R3HDM1: variants seen among roughly 807,000 people sequenced by gnomAD.
R3HDM1 encodes the protein R3H domain containing 1, also known as R3H domain-containing protein 1.
A neutral mutation model predicts 141.1 loss-of-function variants in R3HDM1; 46 were observed. That is an observed-to-expected ratio of 0.33 (90% confidence interval 0.26 to 0.42). R3HDM1 has a LOEUF of 0.42. R3HDM1 is among the 10% of genes least tolerant of loss of function. R3HDM1 has a pLI of 1.00. For missense variants in R3HDM1, 1,184 were observed against 1,368.3 expected (o/e 0.87, Z 2.12); for synonymous variants, 435 against 472.9 (o/e 0.92, Z 1.04).
At chr2:135,584,144 A>G (rs1473918912) in intron 1 of R3HDM1, 1 of 714,600 alleles carries the variant, frequency 1.4e-6, no homozygotes, top group East Asian at 1.3e-4. Flanking sequence ...CCTGGCCAAC[A>G]TGGTGAAACA....
intron 1 of R3HDM1, among the ~76,000 whole-genome samples, chr2:135,579,586 A>G (rs1241953460): frequency 2.6e-4 from 29 of 109,462 alleles, no homozygotes; most frequent in African/African-American, 1.3e-3. Context: ...AATGGTAACT[A>G]TGGGGTGGCG....
chr2:135,536,499 A>G (rs1696153826), intron 1 of R3HDM1: 2 of 907,130 alleles, frequency 2.2e-6, no homozygotes, highest in Non-Finnish European at 2.6e-6. Flanking sequence ...TTGCTTTACT[A>G]AAGTTTTTAT....
At chr2:135,562,669 C>A (rs927669368) in intron 1 of R3HDM1, among the ~76,000 whole-genome samples, 4 of 152,174 alleles carry the variant, frequency 2.6e-5, no homozygotes, top group African/African-American at 9.7e-5. Context: ...TTCATGAAGA[C>A]CTGCACAGTT....
chr2:135,573,544 T>A (rs1559148922), intron 1 of R3HDM1, among the ~76,000 whole-genome samples: 1 of 151,714 alleles, frequency 6.6e-6, no homozygotes. Flanking sequence ...TTTTTTTTTT[T>A]AAGGTTTCCA....
At chr2:135,658,851 G>T (rs1455160195) in intron 18 of R3HDM1, among the ~76,000 whole-genome samples, 2 of 151,262 alleles carry the variant, frequency 1.3e-5, no homozygotes, top group African/African-American at 2.4e-5. Context: ...AAAAACTAAG[G>T]TGCAAACATG....
chr2:135,604,069 A>G (rs1036651471), intron 2 of R3HDM1, among the ~76,000 whole-genome samples: 11 of 152,220 alleles, frequency 7.2e-5, no homozygotes, highest in Non-Finnish European at 4.4e-5. Context: ...TGTGGATTCC[A>G]TATTCTAGAG....
At chr2:135,709,664 GTGC>G in intron 22 of R3HDM1, 128 bp downstream of exon 22, 8 of 1,114,656 alleles carry the variant, frequency 7.2e-6, no homozygotes, top group African/African-American at 1.6e-5. Context: ...AATATTGAGG[GTGC>G]TGTACTGAAT....
chr2:135,724,340 A>G lies in R3HDM1; in HGVS notation c.*48A>G, dbSNP rs1440471030. On this transcript the variant is annotated 3_prime_UTR_variant, in exon 27 of 27. Coordinates refer to ENST00000683871, the MANE Select transcript of R3HDM1 (RefSeq NM_001378107.1). ...CTTTATGGTTCCCCTGCCCTCTCCC[A>G]TCTTTGATTGGCTTGGTATTTGGAG... is the stretch of plus-strand genomic sequence containing the variant. 2.2e-6 allele frequency: 3 copies of G among 1,370,066 alleles called. No individual in the cohort carries two copies. The highest frequency in any genetic ancestry group is 3.0e-6 in the Non-Finnish European group (3 of 995,058). 84.9% of individuals were successfully genotyped at this position (1,370,066 alleles called of 1,614,324 possible). A position where few individuals can be genotyped will look rare whatever the true frequency, so the allele number is the denominator to read the frequency against.
At position 135,710,138 on chromosome 2, in the gene R3HDM1, C is replaced by G; in HGVS notation, c.2643C>G (p.His881Gln). 6.2e-7 allele frequency: 1 copy of G among 1,614,114 alleles called. No homozygotes were observed. Among genetic ancestry groups the G allele is most frequent in the Non-Finnish European group, 8.5e-7 (1 of 1,179,950 alleles). Residue 881 changes from histidine (H) to glutamine (Q), a missense_variant, in exon 23 of 27, where the codon CAC becomes CAG. Transcript: ENST00000683871. Reference sequence around the variant, plus strand: ...CAAACAATCCACAATCTTGTGCCCACTCACCCCCGCAGTGGAAACAAAACA... The same window carrying G: ...CAAACAATCCACAATCTTGTGCCCAGTCACCCCCGCAGTGGAAACAAAACA... ...SVPNNPQSCA[H>Q]SPPQWKQNKY...
intron 1 of R3HDM1, among the ~76,000 whole-genome samples, chr2:135,567,450 G>A (rs887026159): frequency 1.3e-5 from 2 of 152,150 alleles, no homozygotes; most frequent in African/African-American, 2.4e-5. Flanking sequence ...CCTTTTACCA[G>A]TGTGGGGAAG....
At chr2:135,597,636 A>G (rs1388523114) in intron 1 of R3HDM1, among the ~76,000 whole-genome samples, 4 of 152,232 alleles carry the variant, frequency 2.6e-5, no homozygotes, top group Non-Finnish European at 4.4e-5. Flanking sequence ...GAGAAAAAAC[A>G]TAACATCTTA....
chr2:135,600,791 T>G (rs1363649215), intron 1 of R3HDM1, among the ~76,000 whole-genome samples: 2 of 152,200 alleles, frequency 1.3e-5, no homozygotes, highest in Non-Finnish European at 2.9e-5. Flanking sequence ...TGTGTGACTT[T>G]GAAGAAGTCA....
At chr2:135,537,161 A>C (rs912532907) in intron 1 of R3HDM1, among the ~76,000 whole-genome samples, 1 of 148,666 alleles carries the variant, frequency 6.7e-6, no homozygotes, top group Admixed American at 6.7e-5. Context: ...GTGGGGAGAG[A>C]AGCTCTGGAA....
intron 1 of R3HDM1, among the ~76,000 whole-genome samples, chr2:135,572,087 G>T (rs1419733478): frequency 1.3e-5 from 2 of 152,024 alleles, no homozygotes; most frequent in Non-Finnish European, 2.9e-5. Context: ...TCTCCCAGGT[G>T]GCTGGGATTA....
intron 1 of R3HDM1, among the ~76,000 whole-genome samples, chr2:135,543,830 T>C (rs1698129848): frequency 6.6e-6 from 1 of 152,180 alleles, no homozygotes; most frequent in Admixed American, 6.5e-5. Flanking sequence ...TGGCCAAACA[T>C]AGATACAAAG....
intron 19 of R3HDM1, chr2:135,669,081 T>C: frequency 1.1e-6 from 1 of 925,488 alleles, no homozygotes; most frequent in Non-Finnish European, 1.3e-6. Flanking sequence ...CTCACTGTTT[T>C]GCCTAGACTG....
At chr2:135,618,499 G>A (rs1432904119) in intron 5 of R3HDM1, among the ~76,000 whole-genome samples, 1 of 146,470 alleles carries the variant, frequency 6.8e-6, no homozygotes, top group African/African-American at 2.6e-5. Flanking sequence ...TATCTACATA[G>A]GAGATAGCTG....
chr2:135,704,659 T>C (rs1381074911), intron 21 of R3HDM1, among the ~76,000 whole-genome samples: 2 of 151,614 alleles, frequency 1.3e-5, no homozygotes, highest in Non-Finnish European at 1.5e-5. Context: ...TTAGCAGAGA[T>C]AGGGTTTCAG....
intron 19 of R3HDM1, among the ~76,000 whole-genome samples, 173 bp from the exon 20 acceptor site, chr2:135,675,159 G>T (rs1184696672): frequency 1.3e-5 from 2 of 152,238 alleles, no homozygotes; most frequent in Admixed American, 6.5e-5. Context: ...TTTAGTGAGG[G>T]AATGTAGGTA....
Sources: allele counts gnomAD v4.1 joint callset (sites outside exome capture counted in the v4.1 genomes callset), GRCh38; gene constraint gnomAD v4.1.1; transcripts MANE v1.5; gene names NCBI Gene and HGNC (gene_info 2026-07-23, HGNC 2026-07-21).